The following PCMTD1 variants were observed in gnomAD, a reference collection of about 807,000 sequenced individuals.
PCMTD1 encodes the protein protein-L-isoaspartate O-methyltransferase domain-containing protein 1.
In PCMTD1, 12 loss-of-function variants were observed where a neutral mutation model predicts 37.6. The observed-to-expected ratio is 0.32, with a 90% CI of 0.20 to 0.52. The LOEUF (loss-of-function observed/expected upper bound fraction) is 0.52. Among genes scored for constraint, PCMTD1 ranks in the 20% least tolerant of loss-of-function variants. The probability of loss-of-function intolerance (pLI) is 0.97; values close to 1 mark genes in which losing one functional copy is unlikely to be tolerated. For missense variants in PCMTD1, 235 were observed against 421.3 expected, an observed-to-expected ratio of 0.56 and a Z score of 3.87; for synonymous variants, 117 against 135.8, an observed-to-expected ratio of 0.86 and a Z score of 0.96.
intron 2 of PCMTD1, among the ~76,000 whole-genome samples, chr8:51,851,612 T>C (rs1337452794): frequency 6.6e-6 from 1 of 151,804 alleles, no homozygotes; most frequent in Non-Finnish European, 1.5e-5. Context: ...TAATACAGAA[T>C]AGTTTCAAAA....
intron 5 of PCMTD1, among the ~76,000 whole-genome samples, chr8:51,826,186 A>T (rs911812371): frequency 6.6e-6 from 1 of 151,838 alleles, no homozygotes; most frequent in Non-Finnish European, 1.5e-5. Context: ...ATGCAGCCAT[A>T]AAAAAAGGAT....
chr8:51,862,543 A>C (rs1206335082), intron 1 of PCMTD1, among the ~76,000 whole-genome samples: 2 of 152,246 alleles, frequency 1.3e-5, no homozygotes, highest in East Asian at 3.8e-4. Flanking sequence ...CTGAATTAAT[A>C]AATCAGTAGA....
In PCMTD1 at chr8:51,819,968, C is replaced by T. The variant is rs2037819261; in HGVS notation, c.*383G>A. The T allele has an allele frequency of 6.5e-6, 1 of 154,192 alleles. No individual in the cohort carries two copies. The highest frequency in any genetic ancestry group is 1.4e-5 in the Non-Finnish European group (1 of 69,324). The allele number at this position is 154,192 out of a possible 1,614,324, so 9.6% of individuals were successfully genotyped here. On this transcript the variant is annotated 3_prime_UTR_variant, in exon 6 of 6. Coordinates refer to ENST00000522514, the MANE Select transcript of PCMTD1 (RefSeq NM_052937.4). ...GAAGTTTTCATAGAGGAAATGCAAA[C>T]AACTGCAATTCAGATCAGGTTATAT...
chr8:51,833,122 G>C (rs1476143366), intron 4 of PCMTD1, among the ~76,000 whole-genome samples: 1 of 152,186 alleles, frequency 6.6e-6, no homozygotes, highest in Non-Finnish European at 1.5e-5. Context: ...TGAGATTACA[G>C]GCGTGAGCCA....
At chr8:51,886,405 C>A (rs1267635251) in intron 1 of PCMTD1, among the ~76,000 whole-genome samples, 1 of 152,194 alleles carries the variant, frequency 6.6e-6, no homozygotes, top group Non-Finnish European at 1.5e-5. Context: ...TTTGTCAATA[C>A]CCCTATCAAT....
chr8:51,823,778 T>C (rs1029335973), intron 5 of PCMTD1, among the ~76,000 whole-genome samples: 23 of 152,104 alleles, frequency 1.5e-4, no homozygotes, highest in Non-Finnish European at 3.4e-4. Flanking sequence ...CTGATGAACA[T>C]CGATGCAAAA....
intron 1 of PCMTD1, among the ~76,000 whole-genome samples, chr8:51,884,038 C>G (rs976324149): frequency 6.6e-6 from 1 of 152,056 alleles, no homozygotes; most frequent in Non-Finnish European, 1.5e-5. Flanking sequence ...TTTGTGGCTC[C>G]GTGTCTTGAG....
intron 5 of PCMTD1, among the ~76,000 whole-genome samples, chr8:51,829,753 G>C (rs1164973553): frequency 6.6e-6 from 1 of 152,074 alleles, no homozygotes; most frequent in Non-Finnish European, 1.5e-5. Context: ...CTGGGTGACA[G>C]AATGAGACTC....
chr8:51,896,841 G>T (rs1422637168), intron 1 of PCMTD1, among the ~76,000 whole-genome samples: 2 of 146,018 alleles, frequency 1.4e-5, no homozygotes, highest in Admixed American at 7.1e-5. Flanking sequence ...GAAAACACAG[G>T]TTCTTGGATT....
At chr8:51,898,348 C>G (rs992691392) in intron 1 of PCMTD1, among the ~76,000 whole-genome samples, 2 of 152,160 alleles carry the variant, frequency 1.3e-5, no homozygotes, top group African/African-American at 2.4e-5. Context: ...CACTGCACTT[C>G]CCCGGAACGG....
intron 5 of PCMTD1, chr8:51,827,187 A>G (rs1256484516): frequency 9.0e-7 from 1 of 1,116,226 alleles, no homozygotes; most frequent in Non-Finnish European, 1.1e-6. Context: ...TGCTCTGAAT[A>G]TTACTATATG....
intron 1 of PCMTD1, among the ~76,000 whole-genome samples, chr8:51,887,687 AAG>A (rs1217929863): frequency 6.6e-6 from 1 of 151,814 alleles, no homozygotes; most frequent in Non-Finnish European, 1.5e-5. Context: ...AAAAAAAAAA[AAG>A]AGTACGCTCA....
intron 1 of PCMTD1, chr8:51,896,003 T>G (rs1460721089): frequency 7.1e-6 from 1 of 141,590 alleles, no homozygotes; most frequent in East Asian, 2.1e-4. Flanking sequence ...TGGAGTGAAG[T>G]GGAGCGATCT....
Position 51,892,296 on chromosome 8 carries a change from CA to C in PCMTD1, c.-96+6633del, listed in dbSNP as rs1169599596. ...ACACCAAACTCCAGATACCACGTAT[CA>C]TTTCTAAACACTGAACTGCTAACAC... On this transcript the variant is annotated intron_variant, in intron 1 of 5. Transcript: ENST00000522514. 2.5e-4 allele frequency among the ~76,000 whole-genome samples: 38 copies of C among 152,310 alleles called. No individual in the cohort carries two copies. In the East Asian group the frequency reaches 7.3e-3, roughly 29 times the overall value.
intron 1 of PCMTD1, among the ~76,000 whole-genome samples, chr8:51,867,608 A>G (rs74769823): frequency 0.12 from 17,718 of 151,754 alleles, 1,284 homozygotes; most frequent in East Asian, 0.17. Context: ...TAAATGGATT[A>G]CTATTCAGCC....
At chr8:51,832,493 C>T (rs1204847620) in intron 4 of PCMTD1, among the ~76,000 whole-genome samples, 1 of 152,202 alleles carries the variant, frequency 6.6e-6, no homozygotes, top group Non-Finnish European at 1.5e-5. Flanking sequence ...AACTCCACAA[C>T]TATCATGCTA....
intron 1 of PCMTD1, among the ~76,000 whole-genome samples, chr8:51,879,780 C>T (rs2038766086): frequency 6.6e-6 from 1 of 152,098 alleles, no homozygotes; most frequent in African/African-American, 2.4e-5. Flanking sequence ...CACAGTAAAA[C>T]ATCAAAATAC....
At chr8:51,867,513 G>GTT (rs1258097129) in intron 1 of PCMTD1, among the ~76,000 whole-genome samples, 4 of 146,958 alleles carry the variant, frequency 2.7e-5, no homozygotes, top group Non-Finnish European at 6.1e-5. Flanking sequence ...GTGTGTGTGT[G>GTT]TGTGTGTATA....
intron 1 of PCMTD1, among the ~76,000 whole-genome samples, chr8:51,877,366 G>A (rs572246193): frequency 6.6e-6 from 1 of 152,194 alleles, no homozygotes; most frequent in South Asian, 2.1e-4. Context: ...AAGGAAGGAG[G>A]AAGTAACTTG....
Sources: gnomAD v4.1 joint callset for allele counts (sites outside exome capture counted in the v4.1 genomes callset) on GRCh38, gnomAD v4.1.1 for gene constraint, MANE v1.5 for transcripts, NCBI Gene and HGNC (gene_info 2026-07-23, HGNC 2026-07-21) for gene names.